PDZRN3: variants seen among roughly 807,000 people sequenced by gnomAD.
PDZRN3 encodes the protein E3 ubiquitin-protein ligase PDZRN3.
A neutral mutation model predicts 85.7 loss-of-function variants in PDZRN3; 38 were observed. The observed-to-expected ratio is 0.44, with a 90% CI of 0.34 to 0.58. The LOEUF is 0.58. PDZRN3 is among the 20% of genes least tolerant of loss of function. The probability of loss-of-function intolerance (pLI) is 0.01; values close to 1 mark genes in which losing one functional copy is unlikely to be tolerated. For synonymous variants in PDZRN3, 759 were observed against 638.0 expected (o/e 1.19, Z -2.86); for missense variants, 1,629 against 1,506.4 (o/e 1.08, Z -1.35).
intron 7 of PDZRN3, among the ~76,000 whole-genome samples, chr3:73,388,498 T>C (rs1701447098): frequency 6.6e-6 from 1 of 152,178 alleles, no homozygotes; most frequent in Non-Finnish European, 1.5e-5. Context: ...GAATTATACA[T>C]GGTGTTTTGT....
intron 3 of PDZRN3, among the ~76,000 whole-genome samples, chr3:73,597,628 T>C (rs1261067109): frequency 1.3e-5 from 2 of 151,744 alleles, no homozygotes; most frequent in Non-Finnish European, 2.9e-5. Context: ...CTCCAAGCCA[T>C]ATGGCTTGAA....
intron 5 of PDZRN3, among the ~76,000 whole-genome samples, chr3:73,399,081 G>A (rs1458353231): frequency 9.2e-5 from 14 of 152,102 alleles, no homozygotes; most frequent in South Asian, 4.2e-4. Flanking sequence ...TTTCCAGAGC[G>A]GGGGGCTGTA....
At chr3:73,456,738 A>T (rs1050372363) in intron 3 of PDZRN3, among the ~76,000 whole-genome samples, 6 of 152,214 alleles carry the variant, frequency 3.9e-5, no homozygotes, top group Non-Finnish European at 8.8e-5. Context: ...TAGGGCTGAA[A>T]AGTTTTGTTT....
chr3:73,471,631 G>A (rs1042970157), intron 3 of PDZRN3, among the ~76,000 whole-genome samples: 2 of 152,100 alleles, frequency 1.3e-5, no homozygotes, highest in African/African-American at 4.8e-5. Flanking sequence ...GGCCCAGTCA[G>A]CCTTCCCTAC....
intron 5 of PDZRN3, among the ~76,000 whole-genome samples, chr3:73,392,371 G>C (rs571680335): frequency 6.6e-6 from 1 of 152,252 alleles, no homozygotes; most frequent in African/African-American, 2.4e-5. Context: ...TGATCTTAAC[G>C]ACTTTCAGCA....
intron 3 of PDZRN3, among the ~76,000 whole-genome samples, chr3:73,550,504 C>T (rs1701528967): frequency 6.6e-6 from 1 of 152,124 alleles, no homozygotes; most frequent in Non-Finnish European, 1.5e-5. Flanking sequence ...ATTTAAAAGC[C>T]CCCCACCTGA....
chr3:73,490,358 A>C (rs1703747355), intron 3 of PDZRN3, among the ~76,000 whole-genome samples: 1 of 152,164 alleles, frequency 6.6e-6, no homozygotes, highest in African/African-American at 2.4e-5. Flanking sequence ...GAGAAATCAC[A>C]CTGTGCTCCT....
intron 3 of PDZRN3, among the ~76,000 whole-genome samples, chr3:73,443,514 CTT>C (rs1416376621): frequency 4.4e-5 from 6 of 135,272 alleles, no homozygotes; most frequent in East Asian, 4.1e-4. Flanking sequence ...GGGGACAGCG[CTT>C]GCTTTGTCGC....
intron 3 of PDZRN3, among the ~76,000 whole-genome samples, chr3:73,553,027 G>C (rs957371531): frequency 6.6e-6 from 1 of 152,192 alleles, no homozygotes; most frequent in Admixed American, 6.5e-5. Context: ...AATTGAAAGA[G>C]AGAAAGCTAA....
At chr3:73,602,074 C>T (rs754798517) in intron 3 of PDZRN3, among the ~76,000 whole-genome samples, 13 of 152,126 alleles carry the variant, frequency 8.5e-5, no homozygotes, top group South Asian at 4.2e-4. Flanking sequence ...ACGGTTTTCG[C>T]GCGAAACTGT....
chr3:73,481,149 A>G (rs1021979085), intron 3 of PDZRN3, among the ~76,000 whole-genome samples: 2 of 152,170 alleles, frequency 1.3e-5, no homozygotes, highest in East Asian at 1.9e-4. Flanking sequence ...CTTGCTCTCT[A>G]ATGATTCCTA....
At chr3:73,576,968 C>A (rs1702134092) in intron 3 of PDZRN3, among the ~76,000 whole-genome samples, 1 of 152,148 alleles carries the variant, frequency 6.6e-6, no homozygotes, top group East Asian at 1.9e-4. Context: ...GCACTGATTA[C>A]AGGGTTGTCA....
chr3:73,592,856 T>G (rs143255470), intron 3 of PDZRN3, among the ~76,000 whole-genome samples: 1,651 of 152,236 alleles, frequency 0.011, 13 homozygotes, highest in Middle Eastern at 0.037. Context: ...AATTTCTGAT[T>G]GTCAACACTC....
At chr3:73,448,374 CCTTT>C (rs1288986770) in intron 3 of PDZRN3, among the ~76,000 whole-genome samples, 3 of 152,178 alleles carry the variant, frequency 2.0e-5, no homozygotes, top group East Asian at 1.9e-4. Context: ...TAGTTTTCTT[CCTTT>C]CTTTTTTACA....
chr3:73,439,162 C>T (rs1008264253), intron 3 of PDZRN3, among the ~76,000 whole-genome samples: 2 of 152,166 alleles, frequency 1.3e-5, no homozygotes, highest in Non-Finnish European at 2.9e-5. Context: ...CCTCAGTCAG[C>T]GGTATATGCC....
At chr3:73,403,322 CTTCA>C (rs933594060) in intron 4 of PDZRN3, among the ~76,000 whole-genome samples, 4 of 152,186 alleles carry the variant, frequency 2.6e-5, no homozygotes, top group African/African-American at 9.6e-5. Flanking sequence ...GTGTCTTGCT[CTTCA>C]TTTTTTCCTG....
chr3:73,465,200 G>A (rs1261295868), intron 3 of PDZRN3, among the ~76,000 whole-genome samples: 3 of 152,108 alleles, frequency 2.0e-5, no homozygotes, highest in Non-Finnish European at 2.9e-5. Context: ...CTTTATCTCC[G>A]GAGCCCAGCC....
rs558416492 is a variant in PDZRN3 at position 73,393,803 on chromosome 3, C to T, written c.1255-2687G>A. Among the ~76,000 whole-genome samples, 13 of 152,222 alleles carry T rather than the reference C, an allele frequency of 8.5e-5. No individual in the cohort carries two copies. The South Asian group carries it at 1.0e-3, about 12-fold the overall frequency. ...TAGTGACGCTCTGTTATGTAGAAAA[C>T]GATTAGATTTATTTGGCCTACTACC... On this transcript the variant is annotated intron_variant, in intron 5 of 9. Coordinates refer to ENST00000263666, the MANE Select transcript of PDZRN3 (RefSeq NM_015009.3).
chr3:73,392,130 G>A (rs1258249838), intron 5 of PDZRN3, among the ~76,000 whole-genome samples: 5 of 152,220 alleles, frequency 3.3e-5, no homozygotes, highest in Admixed American at 2.0e-4. Flanking sequence ...AACTTTCCCC[G>A]ATGAAAGGCG....
Sources: gnomAD v4.1 joint callset for allele counts (sites outside exome capture counted in the v4.1 genomes callset) on GRCh38, gnomAD v4.1.1 for gene constraint, MANE v1.5 for transcripts, NCBI Gene and HGNC (gene_info 2026-07-23, HGNC 2026-07-21) for gene names.